The following TET1 variants were observed in gnomAD, a reference collection of about 807,000 sequenced individuals.
The protein encoded by TET1 is tet methylcytosine dioxygenase 1.
Under a neutral mutation model 148.7 loss-of-function variants are expected in TET1, and 13 were observed. The ratio of observed to expected loss-of-function variants is 0.09; its 90% CI spans 0.06 to 0.14. The LOEUF (loss-of-function observed/expected upper bound fraction) is 0.14. TET1 is among the 10% of genes least tolerant of loss of function. TET1 has a pLI of 1.00. For synonymous variants in TET1, 907 were observed against 937.2 expected (o/e 0.97, Z 0.59); for missense variants, 2,182 against 2,553.8 (o/e 0.85, Z 3.14).
intron 2 of TET1, among the ~76,000 whole-genome samples, chr10:68,594,898 G>A (rs1265347412): frequency 2.0e-5 from 3 of 150,464 alleles, no homozygotes; most frequent in East Asian, 3.9e-4. Flanking sequence ...AGAATCCCTT[G>A]AACCCGGGAG....
chr10:68,577,446 G>A (rs573178101), intron 2 of TET1, among the ~76,000 whole-genome samples: 39 of 152,228 alleles, frequency 2.6e-4, no homozygotes, highest in African/African-American at 9.4e-4. Context: ...CTTGAGGCCA[G>A]GAGTTTGAGA....
At chr10:68,590,956 A>G (rs1384533473) in intron 2 of TET1, among the ~76,000 whole-genome samples, 1 of 151,970 alleles carries the variant, frequency 6.6e-6, no homozygotes, top group African/African-American at 2.4e-5. Context: ...CCCAGGTTCA[A>G]GCGATTCTCC....
At position 68,577,762 on chromosome 10, in the gene TET1, C is replaced by T. The variant is rs116117118; in HGVS notation, c.1914+3510C>T. On this transcript the variant is annotated intron_variant, in intron 2 of 11. Transcript: ENST00000373644. ...GGGGGGCGTTGCAGTGAGCCAAGATCGCATAATTGCACTCCAGCATGGGCG... is the reference window on the plus strand; with the variant it reads ...GGGGGGCGTTGCAGTGAGCCAAGATTGCATAATTGCACTCCAGCATGGGCG... 8.5e-3 allele frequency among the ~76,000 whole-genome samples: 1,287 copies of T among 152,204 alleles called. 21 individuals are homozygous for T. Among genetic ancestry groups the T allele is most frequent in the African/African-American group, 0.029 (1,209 of 41,530 alleles).
chr10:68,602,981 T>C (rs1386787136), intron 3 of TET1, among the ~76,000 whole-genome samples: 1 of 152,214 alleles, frequency 6.6e-6, no homozygotes, highest in Non-Finnish European at 1.5e-5. Context: ...AGAGCAAATG[T>C]AGAATATTAT....
intron 2 of TET1, among the ~76,000 whole-genome samples, chr10:68,583,543 T>C (rs1479552579): frequency 6.6e-6 from 1 of 152,134 alleles, no homozygotes; most frequent in East Asian, 1.9e-4. Flanking sequence ...TTTTACTGAT[T>C]TAATTATGCA....
At chr10:68,673,936 T>C (rs2055310502) in intron 8 of TET1, among the ~76,000 whole-genome samples, 2 of 45,960 alleles carry the variant, frequency 4.4e-5, no homozygotes, top group Non-Finnish European at 7.5e-5. Context: ...TTTCTTTTTC[T>C]TTTTTTTTTT....
At chr10:68,624,046 T>C (rs1330429863) in intron 3 of TET1, among the ~76,000 whole-genome samples, 1 of 23,330 alleles carries the variant, frequency 4.3e-5, no homozygotes, top group African/African-American at 1.7e-4. Flanking sequence ...AATATTTTCA[T>C]GAAGCAATAT....
Position 68,574,609 on chromosome 10 carries a change from T to C in TET1, c.1914+357T>C, listed in dbSNP as rs1185303719. On this transcript the variant is annotated intron_variant, in intron 2 of 11. Coordinates refer to ENST00000373644, the MANE Select transcript of TET1 (RefSeq NM_030625.3). Reference sequence around the variant, plus strand: ...TCTTTTGGCTAGTTGCATGTCTTTTTTGGCAGTCACAGATTTAAAAATTAA... The same window carrying C: ...TCTTTTGGCTAGTTGCATGTCTTTTCTGGCAGTCACAGATTTAAAAATTAA... Among the ~76,000 whole-genome samples, 26 of 152,228 alleles carry C rather than the reference T, an allele frequency of 1.7e-4. 1 individual carries two copies. Among genetic ancestry groups the C allele is most frequent in the Admixed American group, 1.7e-3 (26 of 15,274 alleles).
intron 9 of TET1, among the ~76,000 whole-genome samples, chr10:68,682,268 C>T (rs1337791060): frequency 4.6e-5 from 7 of 151,408 alleles, no homozygotes; most frequent in Admixed American, 3.3e-4. Context: ...TGCGCCACCA[C>T]ACCCCGCTAA....
intron 1 of TET1, among the ~76,000 whole-genome samples, chr10:68,566,844 G>C (rs529705390): frequency 6.9e-6 from 1 of 145,054 alleles, no homozygotes; most frequent in Admixed American, 7.0e-5. Context: ...TTGTATTTTA[G>C]AGTTGCAAAC....
intron 3 of TET1, among the ~76,000 whole-genome samples, chr10:68,615,190 T>C (rs913449762): frequency 1.3e-5 from 2 of 151,406 alleles, no homozygotes; most frequent in African/African-American, 2.4e-5. Context: ...CTGGGCCTCC[T>C]GAAGGGCTGA....
intron 6 of TET1, among the ~76,000 whole-genome samples, chr10:68,659,538 C>T (rs1000876533): frequency 7.2e-5 from 11 of 152,060 alleles, no homozygotes; most frequent in Non-Finnish European, 1.6e-4. Flanking sequence ...AGGCTGGTCT[C>T]GAACTCCTGA....
rs570498513 is a variant in TET1, at chr10:68,690,721, T to G, written c.5405-87T>G. 27 of 1,339,562 alleles carry G rather than the reference T, an allele frequency of 2.0e-5. No homozygotes were observed. The Admixed American group carries it at 5.1e-4, about 25-fold the overall frequency. 83.0% of individuals were successfully genotyped at this position (1,339,562 alleles called of 1,614,324 possible). On this transcript the variant is annotated intron_variant, in intron 11 of 11. Transcript: ENST00000373644. ...ATCAGCGTTTTCTTATATAATTCTTTGTACTTGTCTTTGAAAATACTTTTT... is the reference window on the plus strand; with the variant it reads ...ATCAGCGTTTTCTTATATAATTCTTGGTACTTGTCTTTGAAAATACTTTTT...
At chr10:68,570,583 A>T (rs1329838025) in intron 1 of TET1, among the ~76,000 whole-genome samples, 7 of 151,934 alleles carry the variant, frequency 4.6e-5, no homozygotes, top group Admixed American at 4.6e-4. Context: ...TGTGTTGATT[A>T]TATTTTTCTT....
chr10:68,594,138 C>CT (rs1295404276), intron 2 of TET1, among the ~76,000 whole-genome samples: 1 of 151,856 alleles, frequency 6.6e-6, no homozygotes, highest in African/African-American at 2.4e-5. Context: ...GTTGGCCAGG[C>CT]TGGTCTCAAA....
intron 6 of TET1, among the ~76,000 whole-genome samples, chr10:68,660,343 CTTT>C (rs35395692): frequency 7.2e-6 from 1 of 138,332 alleles, no homozygotes. Flanking sequence ...TCTTCTTCTT[CTTT>C]TTTTTTTTTT....
intron 3 of TET1, among the ~76,000 whole-genome samples, chr10:68,639,811 G>C (rs984275959): frequency 1.3e-5 from 2 of 152,066 alleles, no homozygotes; most frequent in African/African-American, 4.8e-5. Context: ...CTTTCCTATA[G>C]AGAAATACAT....
intron 3 of TET1, among the ~76,000 whole-genome samples, chr10:68,611,073 T>A (rs1442459310): frequency 6.6e-6 from 1 of 151,968 alleles, no homozygotes; most frequent in Non-Finnish European, 1.5e-5. Context: ...AGGTGGTGGG[T>A]CACAAGGTCA....
At chr10:68,610,798 G>A (rs1369542128) in intron 3 of TET1, among the ~76,000 whole-genome samples, 5 of 151,970 alleles carry the variant, frequency 3.3e-5, no homozygotes, top group African/African-American at 1.2e-4. Flanking sequence ...TGGGACCATA[G>A]GTGTGCACCA....
Sources: gnomAD v4.1 joint callset for allele counts (sites outside exome capture counted in the v4.1 genomes callset) on GRCh38, gnomAD v4.1.1 for gene constraint, MANE v1.5 for transcripts, NCBI Gene and HGNC (gene_info 2026-07-23, HGNC 2026-07-21) for gene names.